COBLL1: variants seen among roughly 807,000 people sequenced by gnomAD.
The protein encoded by COBLL1 is cordon-bleu WH2 repeat protein like 1.
A neutral mutation model predicts 94.8 loss-of-function variants in COBLL1; 50 were observed. The observed-to-expected ratio is 0.53, with a 90% CI of 0.42 to 0.67. The LOEUF is 0.67. Ranked by LOEUF, COBLL1 falls within the 30% of genes least tolerant of loss-of-function variation. The probability of loss-of-function intolerance (pLI) is 0.00; values close to 1 mark genes in which losing one functional copy is unlikely to be tolerated. For missense variants in COBLL1, 1,362 were observed against 1,348.7 expected (o/e 1.01, Z -0.15); for synonymous variants, 448 against 473.8 (o/e 0.95, Z 0.71).
chr2:164,839,205 G>A (rs1419938252), intron 2 of COBLL1, among the ~76,000 whole-genome samples: 1 of 152,134 alleles, frequency 6.6e-6, no homozygotes, highest in Non-Finnish European at 1.5e-5. Context: ...TTTGAAAAGG[G>A]GACGGCAAAA....
At chr2:164,798,282 A>C (rs1683575476) in intron 2 of COBLL1, among the ~76,000 whole-genome samples, 1 of 152,216 alleles carries the variant, frequency 6.6e-6, no homozygotes, top group Non-Finnish European at 1.5e-5. Flanking sequence ...TTAATTGTGA[A>C]ATATCAAATT....
chr2:164,695,095 T>C lies in COBLL1; in HGVS notation c.2297A>G (p.Lys766Arg), dbSNP rs755534870. Residue 766 changes from lysine (K) to arginine (R), a missense_variant, in exon 12 of 14, where the codon AAA (lysine) becomes AGA (arginine). By Grantham distance (26) the Lys-to-Arg change is conservative. Transcript: ENST00000652658. ...KDDQDMHALG[K>R]KHTHENVKET... The stretch of plus-strand genomic sequence containing the variant: ...TTTCACATTCTCATGAGTGTGCTTT[T>C]TCCCTAAAGCATGCATGTCCTGATC... 6.2e-6 allele frequency: 10 copies of C among 1,613,780 alleles called. No homozygotes were observed. Among genetic ancestry groups the C allele is most frequent in the Non-Finnish European group, 6.8e-6 (8 of 1,179,936 alleles).
chr2:164,730,495 CATAATA>C (rs963417530), intron 3 of COBLL1, among the ~76,000 whole-genome samples: 2 of 147,980 alleles, frequency 1.4e-5, no homozygotes, highest in Non-Finnish European at 3.0e-5. Flanking sequence ...AAGACCCTGT[CATAATA>C]ATAATAACAA....
intron 2 of COBLL1, among the ~76,000 whole-genome samples, chr2:164,778,946 T>A (rs1406713233): frequency 6.6e-6 from 1 of 151,978 alleles, no homozygotes; most frequent in Non-Finnish European, 1.5e-5. Flanking sequence ...CTATGATAAT[T>A]CAGTAAATGA....
intron 2 of COBLL1, among the ~76,000 whole-genome samples, chr2:164,798,240 C>T (rs1000083921): frequency 2.0e-5 from 3 of 152,186 alleles, no homozygotes. Flanking sequence ...TCTGCCTTCA[C>T]ATCTCATCAT....
rs183412226 is a variant in COBLL1 at position 164,817,195 on chromosome 2, C to G, written c.41+23961G>C. ...CAGCCACTGGTGGAAGAGGCTTTGT[C>G]TGGATTAACCAAACAACTTTGGAAC... On this transcript the variant is annotated intron_variant, in intron 2 of 13. Transcript: ENST00000652658. Among the ~76,000 whole-genome samples, 202 of 152,180 alleles carry G rather than the reference C, an allele frequency of 1.3e-3. 2 individuals are homozygous for G. Among genetic ancestry groups the G allele is most frequent in the Non-Finnish European group, 1.0e-3 (69 of 67,990 alleles).
At chr2:164,786,482 G>T (rs1340782687) in intron 2 of COBLL1, among the ~76,000 whole-genome samples, 3 of 152,162 alleles carry the variant, frequency 2.0e-5, no homozygotes, top group African/African-American at 7.2e-5. Flanking sequence ...TGGAAAACTA[G>T]ATGTATGAAC....
intron 7 of COBLL1, among the ~76,000 whole-genome samples, chr2:164,710,103 A>C (rs1192907657): frequency 1.3e-4 from 20 of 152,226 alleles, no homozygotes. Flanking sequence ...AAATAATTTC[A>C]ATTATTTAAG....
intron 2 of COBLL1, among the ~76,000 whole-genome samples, chr2:164,786,923 T>G (rs753230348): frequency 6.6e-6 from 1 of 152,160 alleles, no homozygotes; most frequent in Non-Finnish European, 1.5e-5. Context: ...TCAAATGGAC[T>G]CTGTTCATTC....
intron 2 of COBLL1, chr2:164,800,688 C>A: frequency 1.6e-6 from 1 of 624,522 alleles, no homozygotes; most frequent in Non-Finnish European, 2.8e-6. Context: ...AAAGAAACTG[C>A]AGTACATCCA....
chr2:164,708,943 G>T (rs981311424), intron 7 of COBLL1, among the ~76,000 whole-genome samples: 5 of 152,154 alleles, frequency 3.3e-5, no homozygotes, highest in African/African-American at 1.2e-4. Flanking sequence ...GCCATGACAT[G>T]AATTTCTCAA....
At chr2:164,721,278 C>G (rs1685429425) in intron 7 of COBLL1, among the ~76,000 whole-genome samples, 1 of 152,160 alleles carries the variant, frequency 6.6e-6, no homozygotes, top group Admixed American at 6.5e-5. Context: ...CTCAAAGTTA[C>G]TTAAATCATT....
At chr2:164,826,373 G>A (rs1254004951) in intron 2 of COBLL1, among the ~76,000 whole-genome samples, 1 of 152,240 alleles carries the variant, frequency 6.6e-6, no homozygotes, top group African/African-American at 2.4e-5. Flanking sequence ...CTTCCTGGGA[G>A]AGGCAAATGA....
chr2:164,806,657 A>T (rs1360708664), intron 2 of COBLL1, among the ~76,000 whole-genome samples: 1 of 152,056 alleles, frequency 6.6e-6, no homozygotes, highest in Non-Finnish European at 1.5e-5. Flanking sequence ...TTTTCATTCT[A>T]TTATTGATAG....
chr2:164,707,893 A>G (rs1341854345), intron 7 of COBLL1, among the ~76,000 whole-genome samples: 2 of 152,096 alleles, frequency 1.3e-5, no homozygotes, highest in Admixed American at 6.5e-5. Context: ...AATTTGGCAA[A>G]TTTACTATTT....
intron 3 of COBLL1, among the ~76,000 whole-genome samples, chr2:164,736,703 C>T (rs190618154): frequency 2.0e-5 from 3 of 151,924 alleles, no homozygotes; most frequent in Admixed American, 6.6e-5. Context: ...ATAATTGGGG[C>T]AATTTGAATA....
At chr2:164,730,497 TA>T (rs574522690) in intron 3 of COBLL1, among the ~76,000 whole-genome samples, 3 of 147,770 alleles carry the variant, frequency 2.0e-5, no homozygotes, top group African/African-American at 7.8e-5. Flanking sequence ...GACCCTGTCA[TA>T]ATAATAATAA....
At chr2:164,734,221 A>C (rs866377954) in intron 3 of COBLL1, among the ~76,000 whole-genome samples, 3 of 152,064 alleles carry the variant, frequency 2.0e-5, no homozygotes, top group South Asian at 2.1e-4. Flanking sequence ...TCTGACAAAA[A>C]AAAAAAAAAT....
At chr2:164,711,122 C>T (rs1357651683) in intron 7 of COBLL1, among the ~76,000 whole-genome samples, 2 of 152,092 alleles carry the variant, frequency 1.3e-5, no homozygotes, top group South Asian at 2.1e-4. Context: ...GTCTCTGTGA[C>T]CTTCGGCCTC....
Sources: allele counts gnomAD v4.1 joint callset (sites outside exome capture counted in the v4.1 genomes callset), GRCh38; gene constraint gnomAD v4.1.1; transcripts MANE v1.5; gene names NCBI Gene and HGNC (gene_info 2026-07-23, HGNC 2026-07-21).